Variants in CTNND2 observed in about 807,000 individuals in gnomAD.
The protein encoded by CTNND2 is catenin delta-2.
In CTNND2, 22 loss-of-function variants were observed where a neutral mutation model predicts 144.4. That is an observed-to-expected ratio of 0.15 (90% confidence interval 0.11 to 0.22). The LOEUF is 0.22. Among genes scored for constraint, CTNND2 ranks in the 10% least tolerant of loss-of-function variants. The probability of loss-of-function intolerance (pLI) is 1.00; values close to 1 mark genes in which losing one functional copy is unlikely to be tolerated. For missense variants in CTNND2, 1,353 were observed against 1,618.8 expected (o/e 0.84, Z 2.82); for synonymous variants, 751 against 695.6 (o/e 1.08, Z -1.25).
chr5:11,158,159 C>T (rs1246967404), intron 12 of CTNND2, among the ~76,000 whole-genome samples: 1 of 152,194 alleles, frequency 6.6e-6, no homozygotes, highest in Non-Finnish European at 1.5e-5. Flanking sequence ...TGAGACAGTT[C>T]CTTCTGCAGT....
At chr5:11,068,491 T>C (rs570158670) in intron 16 of CTNND2, among the ~76,000 whole-genome samples, 1 of 152,224 alleles carries the variant, frequency 6.6e-6, no homozygotes, top group Non-Finnish European at 1.5e-5. Context: ...TTATAAAAGA[T>C]GCTCTGGTAT....
intron 6 of CTNND2, among the ~76,000 whole-genome samples, chr5:11,387,241 T>A (rs1292956796): frequency 2.7e-5 from 4 of 146,512 alleles, no homozygotes; most frequent in Non-Finnish European, 3.0e-5. Context: ...TTTTCAGCAT[T>A]AAAAAAAAAA....
At chr5:11,367,124 T>C (rs1474432460) in intron 7 of CTNND2, among the ~76,000 whole-genome samples, 2 of 152,254 alleles carry the variant, frequency 1.3e-5, no homozygotes, top group African/African-American at 2.4e-5. Flanking sequence ...CCTGTGTAAA[T>C]GCTTGTGCAA....
At chr5:11,665,287 G>C (rs1429133652) in intron 2 of CTNND2, among the ~76,000 whole-genome samples, 3 of 152,166 alleles carry the variant, frequency 2.0e-5, no homozygotes, top group Admixed American at 6.6e-5. Flanking sequence ...CTATGAGATA[G>C]TGAGCAAGTT....
chr5:11,343,153 C>A (rs1464593466), intron 9 of CTNND2, among the ~76,000 whole-genome samples: 2 of 152,144 alleles, frequency 1.3e-5, no homozygotes, highest in Non-Finnish European at 2.9e-5. Flanking sequence ...ACTGAGCCAA[C>A]CATCAACAAG....
chr5:10,989,980 TA>T (rs889926170), intron 19 of CTNND2, among the ~76,000 whole-genome samples: 15 of 152,122 alleles, frequency 9.9e-5, no homozygotes, highest in South Asian at 4.2e-4. Flanking sequence ...TGGAATCCTT[TA>T]AAAAAAATAC....
rs537161704 is a variant in CTNND2 at position 11,425,964 on chromosome 5, G to C, written c.288-13895C>G. Among the ~76,000 whole-genome samples the C allele has an allele frequency of 4.6e-5, 7 of 152,266 alleles. No homozygotes were observed. The South Asian group carries it at 1.5e-3, about 32-fold the overall frequency. On this transcript the variant is annotated intron_variant, in intron 3 of 21. Coordinates refer to ENST00000304623, the MANE Select transcript of CTNND2 (RefSeq NM_001332.4). ...GTTCCTCCACCTCCATCAGCCTCCA[G>C]GTGATGTGGGATCCCCTCGGCCTGC...
chr5:11,749,863 T>TA (rs1411441224), intron 1 of CTNND2, among the ~76,000 whole-genome samples: 3 of 151,936 alleles, frequency 2.0e-5, no homozygotes, highest in Non-Finnish European at 4.4e-5. Flanking sequence ...ATACCTTATT[T>TA]AAAAAAATAG....
chr5:11,444,036 CTTTG>C (rs1179889263), intron 3 of CTNND2, among the ~76,000 whole-genome samples: 1 of 152,184 alleles, frequency 6.6e-6, no homozygotes, highest in Non-Finnish European at 1.5e-5. Flanking sequence ...AGAATGTTGG[CTTTG>C]TTTAATTTCG....
At chr5:11,082,655 T>C (rs756693866) in intron 16 of CTNND2, 41 bp downstream of exon 16, 1 of 1,601,340 alleles carries the variant, frequency 6.2e-7, no homozygotes, top group Non-Finnish European at 8.5e-7. Flanking sequence ...GAAAATATTT[T>C]CACTTAACAC....
intron 2 of CTNND2, among the ~76,000 whole-genome samples, chr5:11,682,582 G>C (rs1458378598): frequency 6.6e-6 from 1 of 152,146 alleles, no homozygotes; most frequent in African/African-American, 2.4e-5. Flanking sequence ...GATTTTTGCT[G>C]TATCTATAAA....
At chr5:11,409,680 C>G (rs1761360852) in intron 5 of CTNND2, among the ~76,000 whole-genome samples, 2 of 152,030 alleles carry the variant, frequency 1.3e-5, no homozygotes, top group Admixed American at 6.5e-5. Context: ...CTAAGTGATT[C>G]TGTATTAAAT....
chr5:11,717,123 C>T (rs935260969), intron 2 of CTNND2, among the ~76,000 whole-genome samples: 1 of 151,928 alleles, frequency 6.6e-6, no homozygotes, highest in Non-Finnish European at 1.5e-5. Context: ...CCACCTCAGC[C>T]TCCCAAAGTG....
chr5:11,290,167 G>T (rs1260276436), intron 9 of CTNND2, among the ~76,000 whole-genome samples: 4 of 152,146 alleles, frequency 2.6e-5, no homozygotes, highest in Admixed American at 2.6e-4. Flanking sequence ...ACGATGTGTA[G>T]CAATTTCCAC....
At chr5:11,786,009 C>T (rs1790809952) in intron 1 of CTNND2, among the ~76,000 whole-genome samples, 1 of 148,884 alleles carries the variant, frequency 6.7e-6, no homozygotes, top group Non-Finnish European at 1.5e-5. Flanking sequence ...CAACTGCACC[C>T]GCAGCATTTC....
At chr5:11,640,934 C>G (rs1470174414) in intron 2 of CTNND2, among the ~76,000 whole-genome samples, 1 of 152,134 alleles carries the variant, frequency 6.6e-6, no homozygotes, top group Non-Finnish European at 1.5e-5. Flanking sequence ...GGAACATACT[C>G]TAAAGTATTT....
intron 1 of CTNND2, among the ~76,000 whole-genome samples, chr5:11,770,244 G>A (rs931659213): frequency 6.6e-6 from 1 of 152,028 alleles, no homozygotes; most frequent in Non-Finnish European, 1.5e-5. Context: ...TTCAAAACAT[G>A]GAACTAATAT....
chr5:11,826,885 T>C (rs1793631397), intron 1 of CTNND2, among the ~76,000 whole-genome samples: 1 of 152,004 alleles, frequency 6.6e-6, no homozygotes, highest in Admixed American at 6.6e-5. Context: ...TGTTGGAGAA[T>C]TCAATACTCC....
intron 9 of CTNND2, among the ~76,000 whole-genome samples, chr5:11,282,829 T>C (rs1747299767): frequency 6.6e-6 from 1 of 152,222 alleles, no homozygotes; most frequent in African/African-American, 2.4e-5. Flanking sequence ...GCAACAATCT[T>C]AACTAACAAC....
Sources: allele counts gnomAD v4.1 joint callset (sites outside exome capture counted in the v4.1 genomes callset), GRCh38; gene constraint gnomAD v4.1.1; transcripts MANE v1.5; gene names NCBI Gene and HGNC (gene_info 2026-07-23, HGNC 2026-07-21).